CNKSR2: variants seen among roughly 807,000 people sequenced by gnomAD.
CNKSR2 encodes the protein CNK homolog protein 2.
Under a neutral mutation model 84.4 loss-of-function variants are expected in CNKSR2, and 14 were observed. The ratio of observed to expected loss-of-function variants is 0.17; its 90% confidence interval spans 0.11 to 0.26. The LOEUF is 0.26. Among genes scored for constraint, CNKSR2 ranks in the 10% least tolerant of loss-of-function variants. The pLI is 1.00. For synonymous variants in CNKSR2, 275 were observed against 277.9 expected, an observed-to-expected ratio of 0.99 and a Z score of 0.10; for missense variants, 485 against 771.2, an observed-to-expected ratio of 0.63 and a Z score of 4.40.
rs547454548 is a variant in CNKSR2 at position 21,374,630 on chromosome X, A to AGCAGCAGCAGCAGCAGCAGCAGCC, written c.-266_-265insAGCAGCAGCAGCAGCAGCAGCCGC. The AGCAGCAGCAGCAGCAGCAGCAGCC allele has an allele frequency of 8.5e-5, 38 of 445,346 alleles. 2 individuals are homozygous for AGCAGCAGCAGCAGCAGCAGCAGCC. Among genetic ancestry groups the AGCAGCAGCAGCAGCAGCAGCAGCC allele is most frequent in the Middle Eastern group, 1.2e-3 (2 of 1,678 alleles). 36.7% of individuals were successfully genotyped at this position (445,346 alleles called of 1,213,427 possible). A position where few individuals can be genotyped will look rare whatever the true frequency, so the allele number is the denominator to read the frequency against. On this transcript the variant is annotated 5_prime_UTR_variant, in exon 1 of 22. Coordinates refer to ENST00000379510, the MANE Select transcript of CNKSR2 (RefSeq NM_014927.5). ...CAGCAGCAGCAGCAGCAGCAGCAGC[A>AGCAGCAGCAGCAGCAGCAGCAGCC]GCCGCCGCCGCCGCCGCCTTAGCGG...
At chrX:21,464,694 A>G (rs1353659374) in intron 4 of CNKSR2, among the ~76,000 whole-genome samples, 1 of 111,208 alleles carries the variant, frequency 9.0e-6, no homozygotes, top group East Asian at 2.8e-4. Flanking sequence ...AGACCCCTCA[A>G]CCCTCACTCA....
At chrX:21,395,793 T>C (rs924433950) in intron 1 of CNKSR2, among the ~76,000 whole-genome samples, 5 of 111,781 alleles carry the variant, frequency 4.5e-5, no homozygotes, top group African/African-American at 1.6e-4. Flanking sequence ...CCAGTGACAG[T>C]TGGGCCCTCT....
At chrX:21,533,463 A>G (rs935244700) in intron 11 of CNKSR2, among the ~76,000 whole-genome samples, 3 of 111,140 alleles carry the variant, frequency 2.7e-5, no homozygotes, top group African/African-American at 9.8e-5. Flanking sequence ...GTTGAAGTAG[A>G]TAATTAATGT....
At chrX:21,554,491 A>G (rs1004359545) in intron 11 of CNKSR2, among the ~76,000 whole-genome samples, 1 of 110,163 alleles carries the variant, frequency 9.1e-6, no homozygotes, top group Admixed American at 9.7e-5. Context: ...CCCACCTTCC[A>G]CCCTCCAAAA....
intron 17 of CNKSR2, among the ~76,000 whole-genome samples, chrX:21,598,772 T>C (rs1450204093): frequency 8.9e-6 from 1 of 112,807 alleles, no homozygotes; most frequent in Non-Finnish European, 1.9e-5. Context: ...GTCACTAAGA[T>C]ATGGAAATCA....
intron 11 of CNKSR2, among the ~76,000 whole-genome samples, chrX:21,540,924 C>T (rs749393811): frequency 2.7e-5 from 3 of 111,509 alleles, no homozygotes; most frequent in Non-Finnish European, 5.6e-5. Flanking sequence ...TAGGGACACT[C>T]TGTTATTAAA....
chrX:21,411,172 A>G (rs2090340802), intron 1 of CNKSR2, among the ~76,000 whole-genome samples: 1 of 110,865 alleles, frequency 9.0e-6, no homozygotes, highest in Non-Finnish European at 1.9e-5. Context: ...CCACTTTTGA[A>G]GGTAATTTAC....
At chrX:21,620,684 T>C (rs749606016) in intron 20 of CNKSR2, among the ~76,000 whole-genome samples, 2 of 111,399 alleles carry the variant, frequency 1.8e-5, no homozygotes, top group South Asian at 7.5e-4. Context: ...ATTGTGGATC[T>C]TAAAATTGCA....
At chrX:21,414,050 T>C (rs759653778) in intron 1 of CNKSR2, among the ~76,000 whole-genome samples, 1 of 111,676 alleles carries the variant, frequency 9.0e-6, no homozygotes, top group Admixed American at 9.5e-5. Context: ...GATATCTTAC[T>C]GATATCCTGA....
At chrX:21,493,241 G>A (rs1383079264) in intron 6 of CNKSR2, 1 of 112,279 alleles carries the variant, frequency 8.9e-6, no homozygotes, top group Non-Finnish European at 1.9e-5. Flanking sequence ...ACAATAATTA[G>A]CAGAAAATTA....
chrX:21,495,787 A>C (rs2091490259), intron 6 of CNKSR2: 1 of 59,283 alleles, frequency 1.7e-5, no homozygotes, highest in Non-Finnish European at 3.1e-5. Context: ...CCGTCTCAAA[A>C]AAAAAAAAAA....
intron 13 of CNKSR2, among the ~76,000 whole-genome samples, chrX:21,584,536 A>G (rs1196728030): frequency 4.4e-5 from 5 of 112,602 alleles, no homozygotes; most frequent in African/African-American, 1.3e-4. Context: ...AAGCTGGGAA[A>G]AAGAACAGAA....
chrX:21,621,603 A>C (rs2092602021), intron 20 of CNKSR2, among the ~76,000 whole-genome samples: 1 of 111,389 alleles, frequency 9.0e-6, no homozygotes, highest in Non-Finnish European at 1.9e-5. Context: ...ATTAAATTTT[A>C]AACTTTTTGT....
intron 13 of CNKSR2, among the ~76,000 whole-genome samples, chrX:21,576,674 C>T (rs1472986118): frequency 2.7e-5 from 3 of 111,251 alleles, no homozygotes; most frequent in African/African-American, 9.8e-5. Context: ...GGCGATATCA[C>T]TACAACCCTC....
intron 3 of CNKSR2, 26 bp downstream of exon 3, chrX:21,432,840 G>A (rs1190225961): frequency 1.7e-6 from 2 of 1,189,054 alleles, no homozygotes; most frequent in Non-Finnish European, 2.3e-6. Flanking sequence ...TGTTTCATAA[G>A]TATCCTCTCC....
intron 1 of CNKSR2, 88 bp downstream of exon 1, chrX:21,375,049 C>A: frequency 1.3e-6 from 1 of 789,410 alleles, no homozygotes; most frequent in Non-Finnish European, 1.9e-6. Flanking sequence ...GCGCCAGAGC[C>A]CGCCACCGCG....
chrX:21,417,209 G>T (rs947170305), intron 1 of CNKSR2, among the ~76,000 whole-genome samples: 1 of 111,383 alleles, frequency 9.0e-6, no homozygotes, highest in Non-Finnish European at 1.9e-5. Flanking sequence ...CAATTTTCAT[G>T]TATTCGTGTA....
chrX:21,525,585 G>T (rs754071516), intron 9 of CNKSR2, among the ~76,000 whole-genome samples: 2 of 110,653 alleles, frequency 1.8e-5, no homozygotes, highest in South Asian at 7.5e-4. Context: ...TAACAGGGAA[G>T]GTCAAAACCG....
rs190330040 is a variant in CNKSR2, at chrX:21,614,712, G to T, written c.2692+5095G>T. Among the ~76,000 whole-genome samples, 504 of 111,701 alleles carry T rather than the reference G, an allele frequency of 4.5e-3. 3 individuals are homozygous for T. The highest frequency in any genetic ancestry group is 0.016 in the African/African-American group (489 of 30,769). ...GCTATAATTCTGATACTGGTTATAG[G>T]TTAGATTTTTAATTACACCTCCATT... On this transcript the variant is annotated intron_variant, in intron 20 of 21. Coordinates refer to ENST00000379510, the MANE Select transcript of CNKSR2 (RefSeq NM_014927.5).
Sources: gnomAD v4.1 joint callset for allele counts (sites outside exome capture counted in the v4.1 genomes callset) on GRCh38, gnomAD v4.1.1 for gene constraint, MANE v1.5 for transcripts, NCBI Gene and HGNC (gene_info 2026-07-23, HGNC 2026-07-21) for gene names.